Variants in CSGALNACT1 observed in about 807,000 individuals in gnomAD.
CSGALNACT1 encodes chondroitin sulfate N-acetylgalactosaminyltransferase 1.
Under a neutral mutation model 51.0 loss-of-function variants are expected in CSGALNACT1, and 52 were observed. The ratio of observed to expected loss-of-function variants is 1.02; its 90% CI spans 0.82 to 1.29. The LOEUF is 1.29. Ranked by LOEUF, CSGALNACT1 falls within the 50% of genes most tolerant of loss-of-function variation. The pLI, the probability that CSGALNACT1 is intolerant of heterozygous loss-of-function variation, is 0.00. For missense variants in CSGALNACT1, 935 were observed against 679.2 expected (o/e 1.38, Z -4.19); for synonymous variants, 341 against 254.4 (o/e 1.34, Z -3.24).
chr8:19,518,408 G>A (rs554197182), intron 3 of CSGALNACT1, among the ~76,000 whole-genome samples: 1 of 152,018 alleles, frequency 6.6e-6, no homozygotes, highest in South Asian at 2.1e-4. Flanking sequence ...AGACAAAATG[G>A]CACCAATCAA....
intron 3 of CSGALNACT1, among the ~76,000 whole-genome samples, chr8:19,559,338 T>C (rs2040185712): frequency 6.6e-6 from 1 of 152,178 alleles, no homozygotes; most frequent in Non-Finnish European, 1.5e-5. Context: ...TCTTTCCCAT[T>C]AGATTATCTA....
rs4409408 is a variant in CSGALNACT1, at chr8:19,454,027, T to A, written c.851+4399A>T. Among the ~76,000 whole-genome samples, 108 of 152,130 alleles carry A rather than the reference T, an allele frequency of 7.1e-4. No homozygotes were observed. In the South Asian group the frequency reaches 0.021, roughly 29 times the overall value. On this transcript the variant is annotated intron_variant, in intron 5 of 9. Transcript: ENST00000454498. Reference sequence around the variant, plus strand: ...TAATGAAGGAATTTTTCAGGCATTCTGGCAAAAGCCGTTTACGAGAGAGAC... The same window carrying A: ...TAATGAAGGAATTTTTCAGGCATTCAGGCAAAAGCCGTTTACGAGAGAGAC...
chr8:19,683,936 C>T (rs2060813267), upstream of CSGALNACT1, among the ~76,000 whole-genome samples: 1 of 152,094 alleles, frequency 6.6e-6, no homozygotes. Flanking sequence ...AAGGCCAAGG[C>T]AGGTGGATCA....
At chr8:19,413,797 A>G (rs1044370854) in intron 8 of CSGALNACT1, among the ~76,000 whole-genome samples, 2 of 152,208 alleles carry the variant, frequency 1.3e-5, no homozygotes, top group Non-Finnish European at 2.9e-5. Context: ...CGTGGGCATT[A>G]GAAATGATAA....
chr8:19,493,493 C>G (rs1484621935), intron 4 of CSGALNACT1, among the ~76,000 whole-genome samples: 1 of 152,154 alleles, frequency 6.6e-6, no homozygotes, highest in African/African-American at 2.4e-5. Context: ...CCATCTCCAC[C>G]AACTCCTCCA....
At chr8:19,754,633 C>A (rs1431448154) in intron 1 of CSGALNACT1, among the ~76,000 whole-genome samples, 1 of 152,210 alleles carries the variant, frequency 6.6e-6, no homozygotes, top group Non-Finnish European at 1.5e-5. Flanking sequence ...AGTACCAAAT[C>A]CATCATTTAA....
intron 3 of CSGALNACT1, among the ~76,000 whole-genome samples, chr8:19,561,708 C>T (rs1410788097): frequency 1.3e-5 from 2 of 152,196 alleles, no homozygotes; most frequent in African/African-American, 4.8e-5. Flanking sequence ...CCCCTCTGAC[C>T]TTGTTACTAG....
intron 3 of CSGALNACT1, among the ~76,000 whole-genome samples, chr8:19,540,077 G>A (rs922748668): frequency 2.6e-5 from 4 of 152,198 alleles, no homozygotes; most frequent in South Asian, 2.1e-4. Flanking sequence ...AATTCCTAAC[G>A]CTAAACAACA....
chr8:19,751,118 T>C (rs1211480629), intron 1 of CSGALNACT1, among the ~76,000 whole-genome samples: 1 of 152,152 alleles, frequency 6.6e-6, no homozygotes, highest in East Asian at 1.9e-4. Context: ...TCAAAGACCT[T>C]TTCCAGGCTG....
chr8:19,609,666 G>C (rs1470753489), intron 1 of CSGALNACT1, among the ~76,000 whole-genome samples: 3 of 151,578 alleles, frequency 2.0e-5, no homozygotes, highest in Admixed American at 6.6e-5. Flanking sequence ...TGGGGGGTGA[G>C]AGGGGCAAAG....
At chr8:19,590,921 G>A (rs1015372103) in intron 3 of CSGALNACT1, among the ~76,000 whole-genome samples, 1 of 152,016 alleles carries the variant, frequency 6.6e-6, no homozygotes, top group African/African-American at 2.4e-5. Flanking sequence ...AAAGTGCTAG[G>A]ATTAAAGGTG....
exon 4 of CSGALNACT1, chr8:19,506,079 C>A (rs1232504648): frequency 1.5e-6 from 1 of 667,806 alleles, no homozygotes; most frequent in East Asian, 2.9e-5. Context: ...CAAGTTTTCA[C>A]CTTCATTCCC....
intron 1 of CSGALNACT1, among the ~76,000 whole-genome samples, chr8:19,614,863 C>T (rs1434923677): frequency 1.3e-5 from 2 of 152,204 alleles, no homozygotes; most frequent in African/African-American, 4.8e-5. Context: ...GTTACTTCTA[C>T]ACATTGTACT....
chr8:19,465,371 T>C (rs2066440336), intron 4 of CSGALNACT1, among the ~76,000 whole-genome samples: 2 of 152,126 alleles, frequency 1.3e-5, no homozygotes, highest in Admixed American at 1.3e-4. Flanking sequence ...GAGTGTCTAA[T>C]GGGTACAGAG....
chr8:19,676,088 AAACAAAAC>A (rs1488058902), intron 1 of CSGALNACT1, among the ~76,000 whole-genome samples: 2 of 125,832 alleles, frequency 1.6e-5, no homozygotes, highest in Non-Finnish European at 3.7e-5. Flanking sequence ...CTGATTTAAA[AAACAAAAC>A]AAAACAAAAA....
intron 3 of CSGALNACT1, among the ~76,000 whole-genome samples, chr8:19,510,947 T>C (rs370665764): frequency 6.6e-6 from 1 of 152,182 alleles, no homozygotes; most frequent in Non-Finnish European, 1.5e-5. Flanking sequence ...TCAGTTTGAG[T>C]GTAAGCATTT....
intron 1 of CSGALNACT1, among the ~76,000 whole-genome samples, chr8:19,675,659 A>AT (rs1174340467): frequency 1.3e-5 from 2 of 152,018 alleles, no homozygotes; most frequent in East Asian, 3.9e-4. Flanking sequence ...CATCCAGCTA[A>AT]TTTTTTTAAT....
intron 1 of CSGALNACT1, among the ~76,000 whole-genome samples, chr8:19,663,648 T>G (rs1168346753): frequency 6.6e-6 from 1 of 152,120 alleles, no homozygotes. Context: ...GATTACCAAT[T>G]GGGGAGGAAG....
At chr8:19,524,154 G>T (rs2081234300) in intron 3 of CSGALNACT1, among the ~76,000 whole-genome samples, 1 of 152,140 alleles carries the variant, frequency 6.6e-6, no homozygotes, top group African/African-American at 2.4e-5. Context: ...GCTGGGCATT[G>T]TGGTACATTC....
Sources: gnomAD v4.1 joint callset for allele counts (sites outside exome capture counted in the v4.1 genomes callset) on GRCh38, gnomAD v4.1.1 for gene constraint, MANE v1.5 for transcripts, NCBI Gene and HGNC (gene_info 2026-07-23, HGNC 2026-07-21) for gene names.